The following PIP5K1A variants were observed in gnomAD, a reference collection of about 807,000 sequenced individuals.
The protein encoded by PIP5K1A is phosphatidylinositol-4-phosphate 5-kinase type 1 alpha.
A neutral mutation model predicts 72.9 loss-of-function variants in PIP5K1A; 46 were observed. The observed-to-expected ratio is 0.63, with a 90% CI of 0.50 to 0.81. The LOEUF is 0.81. Among genes scored for constraint, PIP5K1A ranks in the 30% least tolerant of loss-of-function variants. The pLI is 0.00. For synonymous variants in PIP5K1A, 228 were observed against 255.1 expected, an observed-to-expected ratio of 0.89 and a Z score of 1.01; for missense variants, 458 against 706.1, an observed-to-expected ratio of 0.65 and a Z score of 3.98.
intron 1 of PIP5K1A, among the ~76,000 whole-genome samples, chr1:151,208,462 G>GCT (rs1394951655): frequency 6.7e-6 from 1 of 149,734 alleles, no homozygotes; most frequent in Non-Finnish European, 1.5e-5. Flanking sequence ...CCGCTTTCAA[G>GCT]CGATTCCCCT....
At chr1:151,215,906 C>A (rs74127566) in intron 1 of PIP5K1A, 3 of 1,004,944 alleles carry the variant, frequency 3.0e-6, no homozygotes, top group African/African-American at 1.7e-5. Flanking sequence ...GCTTATCATG[C>A]TGTAAGCAAA....
intron 4 of PIP5K1A, among the ~76,000 whole-genome samples, chr1:151,229,346 C>A (rs1429167645): frequency 1.3e-5 from 2 of 150,950 alleles, no homozygotes; most frequent in Non-Finnish European, 3.0e-5. Flanking sequence ...AGCCACCACA[C>A]CTGGCTTATT....
chr1:151,238,384 T>G (rs1570981509), intron 10 of PIP5K1A, 119 bp downstream of exon 10: 5 of 720,844 alleles, frequency 6.9e-6, no homozygotes, highest in Admixed American at 2.1e-5. Flanking sequence ...AGTTGCAGTC[T>G]GGCTACTTAC....
chr1:151,237,621 A>C (rs945973313), intron 9 of PIP5K1A, among the ~76,000 whole-genome samples: 1 of 152,142 alleles, frequency 6.6e-6, no homozygotes, highest in Non-Finnish European at 1.5e-5. Context: ...TGTACATGCC[A>C]CTGCACTCCA....
chr1:151,240,650 G>A (rs972437240), intron 12 of PIP5K1A, among the ~76,000 whole-genome samples: 2 of 152,182 alleles, frequency 1.3e-5, no homozygotes, highest in African/African-American at 4.8e-5. Flanking sequence ...AAACCAGGCT[G>A]GGTGCAGTAT....
intron 1 of PIP5K1A, among the ~76,000 whole-genome samples, chr1:151,204,671 T>A (rs587671390): frequency 6.6e-6 from 1 of 152,342 alleles, no homozygotes; most frequent in South Asian, 2.1e-4. Flanking sequence ...TGATATTTTA[T>A]AAATAGGGAG....
At chr1:151,206,662 T>C (rs1023926960) in intron 1 of PIP5K1A, among the ~76,000 whole-genome samples, 1 of 152,140 alleles carries the variant, frequency 6.6e-6, no homozygotes, top group African/African-American at 2.4e-5. Flanking sequence ...ACCTCCCGGG[T>C]TGAAGCGATT....
At chr1:151,247,317 C>A (rs1488671904) in intron 15 of PIP5K1A, among the ~76,000 whole-genome samples, 1 of 151,876 alleles carries the variant, frequency 6.6e-6, no homozygotes. Flanking sequence ...TTAGTAGGCG[C>A]AGGGTTTCAT....
rs1166041019 is a variant in PIP5K1A at position 151,246,918 on chromosome 1, A to C, written c.1641-2A>C. ...CTGCTTCCATTTTTTTTCTCCTGTT[A>C]GTACAACCTTGGAAAAGCTTGAAGT... On this transcript the variant is annotated splice_acceptor_variant, in intron 14 of 15. Transcript: ENST00000368888. LOFTEE classifies it high-confidence loss of function. 1 of 1,611,082 alleles carries C rather than the reference A, an allele frequency of 6.2e-7. No homozygotes were observed. Among genetic ancestry groups the C allele is most frequent in the East Asian group, 2.2e-5 (1 of 44,840 alleles).
chr1:151,207,867 C>CTT (rs35805635), intron 1 of PIP5K1A, among the ~76,000 whole-genome samples: 1 of 142,272 alleles, frequency 7.0e-6, no homozygotes. Context: ...GTTGCTCCTT[C>CTT]TTTTTTTTTT....
chr1:151,225,572 C>T (rs1688999280), intron 3 of PIP5K1A, among the ~76,000 whole-genome samples: 1 of 151,102 alleles, frequency 6.6e-6, no homozygotes, highest in Non-Finnish European at 1.5e-5. Flanking sequence ...CAGGTTCAGG[C>T]AGTTCTCCTG....
intron 1 of PIP5K1A, among the ~76,000 whole-genome samples, chr1:151,217,511 C>G (rs1687813896): frequency 6.6e-6 from 1 of 152,184 alleles, no homozygotes; most frequent in African/African-American, 2.4e-5. Flanking sequence ...CAACAAAATT[C>G]TGAGCTCCTT....
At chr1:151,205,156 C>T (rs988342349) in intron 1 of PIP5K1A, among the ~76,000 whole-genome samples, 1 of 152,078 alleles carries the variant, frequency 6.6e-6, no homozygotes, top group Non-Finnish European at 1.5e-5. Context: ...AAATTGTTCT[C>T]TCCTAGAATG....
chr1:151,245,896 G>C (rs1031226652), intron 14 of PIP5K1A, among the ~76,000 whole-genome samples: 1 of 152,090 alleles, frequency 6.6e-6, no homozygotes, highest in Non-Finnish European at 1.5e-5. Context: ...ACAAAAGTCT[G>C]TATTATCTAT....
rs587714903 is a variant in PIP5K1A, at chr1:151,227,222, A to G, written c.157-98A>G. 350 of 720,636 alleles carry G rather than the reference A, an allele frequency of 4.9e-4. No individual in the cohort carries two copies. The African/African-American group carries it at 5.6e-3, about 12-fold the overall frequency. 44.6% of individuals were successfully genotyped at this position (720,636 alleles called of 1,614,324 possible). A position where few individuals can be genotyped will look rare whatever the true frequency, so the allele number is the denominator to read the frequency against. ...TGTAAAATGTTTTTAATCTAGAAAG[A>G]ATATGTTGTTTCAGTTTATTTTGTT... On this transcript the variant is annotated intron_variant, in intron 3 of 15. Coordinates refer to ENST00000368888, the MANE Select transcript of PIP5K1A (RefSeq NM_001135638.2).
At chr1:151,229,929 A>C (rs1689787795) in intron 4 of PIP5K1A, among the ~76,000 whole-genome samples, 1 of 151,850 alleles carries the variant, frequency 6.6e-6, no homozygotes, top group South Asian at 2.1e-4. Context: ...TAAAAAAAAA[A>C]TACAAAAAAT....
intron 4 of PIP5K1A, among the ~76,000 whole-genome samples, chr1:151,230,185 T>C (rs1345354465): frequency 6.6e-6 from 1 of 152,218 alleles, no homozygotes; most frequent in African/African-American, 2.4e-5. Flanking sequence ...ATGAGGCAAA[T>C]GGAGCAAAGC....
chr1:151,216,740 G>A (rs1257728188), intron 1 of PIP5K1A, among the ~76,000 whole-genome samples: 1 of 152,084 alleles, frequency 6.6e-6, no homozygotes, highest in Non-Finnish European at 1.5e-5. Context: ...TGTAGATTAA[G>A]TAGAGCATTT....
intron 1 of PIP5K1A, among the ~76,000 whole-genome samples, chr1:151,216,271 C>T (rs1687592401): frequency 6.6e-6 from 1 of 151,646 alleles, no homozygotes; most frequent in Admixed American, 6.6e-5. Flanking sequence ...ATGGCGTGAA[C>T]CCGGGAGGCA....
Sources: gnomAD v4.1 joint callset for allele counts (sites outside exome capture counted in the v4.1 genomes callset) on GRCh38, gnomAD v4.1.1 for gene constraint, MANE v1.5 for transcripts, NCBI Gene and HGNC (gene_info 2026-07-23, HGNC 2026-07-21) for gene names.